The following KCNH8 variants were observed in gnomAD, a reference collection of about 807,000 sequenced individuals.
KCNH8 encodes potassium voltage-gated channel subfamily H member 8.
In KCNH8, 70 loss-of-function variants were observed where a neutral mutation model predicts 103.6. The ratio of observed to expected loss-of-function variants is 0.68; its 90% confidence interval spans 0.56 to 0.82. KCNH8 has a LOEUF of 0.82. KCNH8 is among the 40% of genes least tolerant of loss of function. The probability of loss-of-function intolerance (pLI) is 0.00; values close to 1 mark genes in which losing one functional copy is unlikely to be tolerated. For synonymous variants in KCNH8, 498 were observed against 489.4 expected, an observed-to-expected ratio of 1.02 and a Z score of -0.23; for missense variants, 1,217 against 1,329.9, an observed-to-expected ratio of 0.92 and a Z score of 1.32.
At chr3:19,275,675 ATGCTGTAGAGACTTATT>A (rs1163290561) in intron 2 of KCNH8, among the ~76,000 whole-genome samples, 5 of 152,302 alleles carry the variant, frequency 3.3e-5, no homozygotes, top group Admixed American at 2.6e-4. Context: ...GCTGGTGACG[ATGCTGTAGAGACTTATT>A]TGCCAAGCAG....
chr3:19,256,210 A>AT (rs548924144), intron 2 of KCNH8, among the ~76,000 whole-genome samples: 13 of 152,236 alleles, frequency 8.5e-5, no homozygotes, highest in Admixed American at 7.9e-4. Flanking sequence ...TGGAAATGTC[A>AT]TCCCCTTTTG....
At chr3:19,469,470 C>T (rs2067810127) in intron 11 of KCNH8, among the ~76,000 whole-genome samples, 2 of 152,002 alleles carry the variant, frequency 1.3e-5, no homozygotes, top group Admixed American at 1.3e-4. Context: ...GATGGAGTCT[C>T]GCAGCATCAC....
At chr3:19,392,510 T>G (rs2066454246) in intron 6 of KCNH8, among the ~76,000 whole-genome samples, 1 of 151,946 alleles carries the variant, frequency 6.6e-6, no homozygotes, top group Non-Finnish European at 1.5e-5. Flanking sequence ...AGGTATTATG[T>G]TTTCTTCTCA....
intron 2 of KCNH8, 41 bp downstream of exon 2, chr3:19,253,928 A>T (rs1211481026): frequency 7.1e-7 from 1 of 1,402,870 alleles, no homozygotes; most frequent in African/African-American, 1.4e-5. Context: ...GAGTAGTGAG[A>T]GGCCGTCTTC....
chr3:19,352,193 C>T (rs898108468), intron 5 of KCNH8, among the ~76,000 whole-genome samples: 25 of 152,066 alleles, frequency 1.6e-4, no homozygotes, highest in Admixed American at 1.4e-3. Flanking sequence ...TTATCCTAAA[C>T]ATATATGCAC....
chr3:19,474,665 C>A (rs2067933319), intron 11 of KCNH8, among the ~76,000 whole-genome samples: 3 of 152,124 alleles, frequency 2.0e-5, no homozygotes, highest in Admixed American at 2.0e-4. Context: ...AAGGAAAATT[C>A]TGATATGAAT....
intron 1 of KCNH8, among the ~76,000 whole-genome samples, chr3:19,180,370 G>A (rs1451579514): frequency 2.6e-5 from 4 of 152,090 alleles, no homozygotes; most frequent in African/African-American, 9.7e-5. Context: ...CATGCTTCTT[G>A]TTGAAACAAT....
At chr3:19,421,368 A>G (rs1157025425) in intron 7 of KCNH8, among the ~76,000 whole-genome samples, 1 of 152,100 alleles carries the variant, frequency 6.6e-6, no homozygotes, top group Non-Finnish European at 1.5e-5. Flanking sequence ...TTGATCCCTA[A>G]GGACATTTCT....
chr3:19,192,841 C>G (rs1376345050), intron 1 of KCNH8, among the ~76,000 whole-genome samples: 1 of 151,312 alleles, frequency 6.6e-6, no homozygotes, highest in Non-Finnish European at 1.5e-5. Context: ...TAGTCTGATT[C>G]CAATAAAAGA....
chr3:19,310,600 C>A (rs1490404373), intron 3 of KCNH8, among the ~76,000 whole-genome samples: 1 of 151,786 alleles, frequency 6.6e-6, no homozygotes, highest in African/African-American at 2.4e-5. Context: ...TGAGAGCTAT[C>A]AGTAAGGTAA....
At chr3:19,324,635 G>A (rs1036232129) in intron 3 of KCNH8, among the ~76,000 whole-genome samples, 1 of 152,092 alleles carries the variant, frequency 6.6e-6, no homozygotes, top group African/African-American at 2.4e-5. Context: ...TTGCTAGGGG[G>A]GTGAAAGATC....
chr3:19,337,020 C>T (rs1209130945), intron 3 of KCNH8, among the ~76,000 whole-genome samples: 1 of 151,926 alleles, frequency 6.6e-6, no homozygotes, highest in East Asian at 1.9e-4. Context: ...AGGAGAGATC[C>T]ATTTTGACCC....
chr3:19,378,364 G>C (rs2066241597), intron 5 of KCNH8, among the ~76,000 whole-genome samples: 1 of 152,180 alleles, frequency 6.6e-6, no homozygotes, highest in Non-Finnish European at 1.5e-5. Flanking sequence ...TTTTGCCACT[G>C]TGTTTTTCAT....
intron 3 of KCNH8, among the ~76,000 whole-genome samples, chr3:19,301,411 A>G (rs1247656829): frequency 6.7e-6 from 1 of 149,816 alleles, no homozygotes; most frequent in East Asian, 1.9e-4. Context: ...ATATAATTTT[A>G]TGCTTACATA....
chr3:19,399,844 A>C (rs991948953), intron 7 of KCNH8, among the ~76,000 whole-genome samples: 14 of 151,978 alleles, frequency 9.2e-5, no homozygotes, highest in African/African-American at 3.4e-4. Context: ...TTGCAAGTAA[A>C]AACAAAAAAG....
chr3:19,170,584 CTATA>C (rs113772694), intron 1 of KCNH8, among the ~76,000 whole-genome samples: 2,102 of 114,030 alleles, frequency 0.018, 60 homozygotes, highest in African/African-American at 0.061. Flanking sequence ...CTTGGGGCAT[CTATA>C]TATATATATA....
chr3:19,478,078 G>A (rs2068013366), intron 11 of KCNH8, among the ~76,000 whole-genome samples: 1 of 152,072 alleles, frequency 6.6e-6, no homozygotes, highest in Admixed American at 6.6e-5. Context: ...CCATGTTACT[G>A]CAGAAAACAT....
intron 3 of KCNH8, among the ~76,000 whole-genome samples, chr3:19,337,999 CG>C (rs67419831): frequency 0.53 from 78,312 of 147,150 alleles, 22,081 homozygotes; most frequent in African/African-American, 0.76. Flanking sequence ...GAGAGAGAGG[CG>C]GGGGGGGGAG....
intron 3 of KCNH8, among the ~76,000 whole-genome samples, chr3:19,310,076 C>T (rs2065189406): frequency 6.6e-6 from 1 of 151,978 alleles, no homozygotes; most frequent in African/African-American, 2.4e-5. Flanking sequence ...TATGCCTTTG[C>T]ATTCTTGCTC....
Sources: allele counts gnomAD v4.1 joint callset (sites outside exome capture counted in the v4.1 genomes callset), GRCh38; gene constraint gnomAD v4.1.1; transcripts MANE v1.5; gene names NCBI Gene and HGNC (gene_info 2026-07-23, HGNC 2026-07-21).